The following MAN2A1 variants were observed in gnomAD, a reference collection of about 807,000 sequenced individuals.
MAN2A1 encodes the protein mannosidase alpha class 2A member 1.
In MAN2A1, 76 loss-of-function variants were observed where a neutral mutation model predicts 142.6. The ratio of observed to expected loss-of-function variants is 0.53; its 90% CI spans 0.44 to 0.65. MAN2A1 has a LOEUF of 0.65. Ranked by LOEUF, MAN2A1 falls within the 30% of genes least tolerant of loss-of-function variation. The probability of loss-of-function intolerance (pLI) is 0.00; values close to 1 mark genes in which losing one functional copy is unlikely to be tolerated. For synonymous variants in MAN2A1, 559 were observed against 473.2 expected, an observed-to-expected ratio of 1.18 and a Z score of -2.35; for missense variants, 1,311 against 1,365.1, an observed-to-expected ratio of 0.96 and a Z score of 0.62.
intron 1 of MAN2A1, among the ~76,000 whole-genome samples, chr5:109,709,114 G>GTGGCTCTCCTGCC (rs1751223049): frequency 6.6e-6 from 1 of 152,176 alleles, no homozygotes; most frequent in Non-Finnish European, 1.5e-5. Context: ...CATTAATCTA[G>GTGGCTCTCCTGCC]TCAAGTTGAA....
At position 109,819,759 on chromosome 5, in the gene MAN2A1, G is replaced by A; in HGVS notation, c.2200G>A (p.Val734Ile). Reference sequence around the variant, plus strand: ...TTCAAATTCACATTTAGCTGATTATGTCTTGTATAAGAATAAAGTAGAAGA... The same window carrying A: ...TTCAAATTCACATTTAGCTGATTATATCTTGTATAAGAATAAAGTAGAAGA... ...ASSNSHLADYVLYKNKVEDSG... is the reference protein window; with the variant it reads ...ASSNSHLADYILYKNKVEDSG... Residue 734 changes from valine to isoleucine, a missense_variant, in exon 14 of 22, where the codon GTC (valine) becomes ATC (isoleucine). Physicochemically the swap from Val to Ile is conservative, Grantham distance 29. Around this residue, in one of 3 missense-constraint regions of MAN2A1, gnomAD observed 890 missense variants for 920.5 expected, o/e 0.97. Coordinates refer to ENST00000261483, the MANE Select transcript of MAN2A1 (RefSeq NM_002372.4). 2 of 1,611,138 alleles carry A rather than the reference G, an allele frequency of 1.2e-6. No individual in the cohort carries two copies. The highest frequency in any genetic ancestry group is 1.7e-6 in the Non-Finnish European group (2 of 1,178,124).
At chr5:109,722,605 G>A (rs1450057259) in intron 3 of MAN2A1, among the ~76,000 whole-genome samples, 1 of 151,974 alleles carries the variant, frequency 6.6e-6, no homozygotes, top group East Asian at 1.9e-4. Flanking sequence ...TAGTAGAGAT[G>A]GGGTTTCACC....
At chr5:109,784,714 A>G (rs1230941127) in intron 9 of MAN2A1, 30 bp from the exon 10 acceptor site, 9 of 1,504,812 alleles carry the variant, frequency 6.0e-6, no homozygotes, top group Non-Finnish European at 8.0e-6. Context: ...TGTTTGTTTT[A>G]AAATAAAAAT....
chr5:109,705,608 C>G (rs1302218714), intron 1 of MAN2A1, among the ~76,000 whole-genome samples: 1 of 152,124 alleles, frequency 6.6e-6, no homozygotes, highest in Non-Finnish European at 1.5e-5. Flanking sequence ...CAACTATTTG[C>G]TAAGTATATT....
In MAN2A1 at chr5:109,869,202, A is replaced by C. The variant is rs1426533516; in HGVS notation, c.*2204A>C. The stretch of plus-strand genomic sequence containing the variant: ...ATTTAATGTCTCTGGCACACACTAA[A>C]AACCATACACTTCAGTTGTGATCTC... On this transcript the variant is annotated 3_prime_UTR_variant, in exon 22 of 22. Transcript: ENST00000261483. The C allele has an allele frequency of 2.6e-5, 4 of 152,248 alleles. No homozygotes were observed. Among genetic ancestry groups the C allele is most frequent in the East Asian group, 3.8e-4 (2 of 5,206 alleles). The allele number at this position is 152,248 out of a possible 1,614,324, so 9.4% of individuals were successfully genotyped here.
intron 20 of MAN2A1, among the ~76,000 whole-genome samples, chr5:109,858,418 A>G (rs1026983681): frequency 6.6e-6 from 1 of 152,204 alleles, no homozygotes; most frequent in South Asian, 2.1e-4. Context: ...CAAAATGTCC[A>G]GTGTAATTCC....
intron 3 of MAN2A1, among the ~76,000 whole-genome samples, chr5:109,721,730 A>G (rs1415268161): frequency 6.6e-6 from 1 of 152,206 alleles, no homozygotes; most frequent in Non-Finnish European, 1.5e-5. Flanking sequence ...TTCTTTGAGG[A>G]GCACATATGT....
chr5:109,857,277 A>T (rs191913669), intron 20 of MAN2A1, among the ~76,000 whole-genome samples: 49 of 152,352 alleles, frequency 3.2e-4, no homozygotes, highest in African/African-American at 1.1e-3. Flanking sequence ...AACTATTTTG[A>T]ATCAGTGAAT....
At chr5:109,748,174 C>T (rs1752455029) in intron 4 of MAN2A1, among the ~76,000 whole-genome samples, 1 of 152,156 alleles carries the variant, frequency 6.6e-6, no homozygotes, top group Non-Finnish European at 1.5e-5. Context: ...GATGAAAGTA[C>T]ATATGCATTT....
At chr5:109,702,276 A>T (rs11241029) in intron 1 of MAN2A1, among the ~76,000 whole-genome samples, 23,338 of 151,612 alleles carry the variant, frequency 0.15, 2,048 homozygotes, top group African/African-American at 0.25. Flanking sequence ...AAATGATAAG[A>T]CTAAATTATT....
chr5:109,852,338 T>C (rs543565101), intron 19 of MAN2A1, among the ~76,000 whole-genome samples: 2 of 152,136 alleles, frequency 1.3e-5, no homozygotes, highest in Non-Finnish European at 2.9e-5. Flanking sequence ...TTTCATTTAT[T>C]TATATTGCAT....
chr5:109,779,965 CATT>C (rs1024038625), intron 8 of MAN2A1, among the ~76,000 whole-genome samples: 4 of 152,112 alleles, frequency 2.6e-5, no homozygotes, highest in Non-Finnish European at 5.9e-5. Context: ...TTATCAGTAT[CATT>C]GTTGTAAATG....
intron 12 of MAN2A1, among the ~76,000 whole-genome samples, chr5:109,797,645 T>G (rs1378127780): frequency 1.3e-5 from 2 of 151,994 alleles, no homozygotes; most frequent in Non-Finnish European, 2.9e-5. Flanking sequence ...ATCAAAGATA[T>G]AATTGATGAA....
At chr5:109,756,710 ATAGT>A (rs1391809374) in intron 5 of MAN2A1, among the ~76,000 whole-genome samples, 3 of 152,146 alleles carry the variant, frequency 2.0e-5, no homozygotes, top group Non-Finnish European at 4.4e-5. Flanking sequence ...CGTGTAGAAA[ATAGT>A]TAGCATAGCA....
At position 109,867,019 on chromosome 5, in the gene MAN2A1, T is replaced by C. The variant is rs1430634391; in HGVS notation, c.*21T>C. ...GGTGAACCTGACTTTCACATTTGGA[T>C]TGAGAATCATTGGCTTTTATACCTT... On this transcript the variant is annotated 3_prime_UTR_variant, in exon 22 of 22. Coordinates refer to ENST00000261483, the MANE Select transcript of MAN2A1 (RefSeq NM_002372.4). 10 of 1,601,812 alleles carry C rather than the reference T, an allele frequency of 6.2e-6. No homozygotes were observed. The highest frequency in any genetic ancestry group is 8.5e-6 in the Non-Finnish European group (10 of 1,174,114).
At chr5:109,711,019 G>T (rs949262444) in intron 1 of MAN2A1, among the ~76,000 whole-genome samples, 1 of 151,750 alleles carries the variant, frequency 6.6e-6, no homozygotes, top group Non-Finnish European at 1.5e-5. Flanking sequence ...GTAGAGATGG[G>T]GTTTCACCAT....
chr5:109,848,253 G>C (rs1286097342), intron 19 of MAN2A1, among the ~76,000 whole-genome samples: 2 of 152,068 alleles, frequency 1.3e-5, no homozygotes, highest in African/African-American at 4.8e-5. Flanking sequence ...TTTTCTATGA[G>C]GTTTACTCCT....
At chr5:109,862,431 A>C (rs1755780568) in intron 20 of MAN2A1, 1 of 152,222 alleles carries the variant, frequency 6.6e-6, no homozygotes, top group South Asian at 2.1e-4. Flanking sequence ...TTACTTCAGT[A>C]ATTCAGCCTC....
chr5:109,792,321 T>C (rs1753756868), intron 12 of MAN2A1, among the ~76,000 whole-genome samples: 1 of 152,080 alleles, frequency 6.6e-6, no homozygotes, highest in South Asian at 2.1e-4. Context: ...GTCTTTTTTT[T>C]CTCATCTGTG....
Sources: allele counts gnomAD v4.1 joint callset (sites outside exome capture counted in the v4.1 genomes callset), GRCh38; gene constraint gnomAD v4.1.1; regional missense constraint gnomAD v4.1.1; transcripts MANE v1.5; gene names NCBI Gene and HGNC (gene_info 2026-07-23, HGNC 2026-07-21).